PBX4: variants seen among roughly 807,000 people sequenced by gnomAD.
PBX4 encodes pre-B-cell leukemia transcription factor 4.
A neutral mutation model predicts 35.1 loss-of-function variants in PBX4; 26 were observed. The ratio of observed to expected loss-of-function variants is 0.74; its 90% CI spans 0.54 to 1.03. The LOEUF is 1.03. Ranked by LOEUF, PBX4 falls within the 50% of genes least tolerant of loss-of-function variation. The pLI is 0.00. For synonymous variants in PBX4, 199 were observed against 204.2 expected, an observed-to-expected ratio of 0.97 and a Z score of 0.22; for missense variants, 448 against 504.3, an observed-to-expected ratio of 0.89 and a Z score of 1.07.
Position 19,563,580 on chromosome 19 carries a change from C to T in PBX4, c.961G>A (p.Asp321Asn). ...SGPFPLPSAGDAFLTLRTLAS... is the reference protein window; with the variant it reads ...SGPFPLPSAGNAFLTLRTLAS... ...AGAGTCCGCAGGGTGAGGAAGGCGT[C>T]CCCAGCGCTGGGCAGCGGGAAGGGT... The change falls in exon 7 of 8, where the codon GAC becomes AAC. Residue 321 changes from aspartate (D) to asparagine (N), a missense_variant. Physicochemically the swap from Asp to Asn is conservative, Grantham distance 23 (BLOSUM62 1). Coordinates refer to ENST00000251203, the MANE Select transcript of PBX4 (RefSeq NM_025245.3). The surrounding 1 kb of genome is among the most constrained non-coding windows in gnomAD (Gnocchi z 5.1). 6.5e-7 allele frequency: 1 copy of T among 1,550,286 alleles called. No individual in the cohort carries two copies. Among genetic ancestry groups the T allele is most frequent in the Non-Finnish European group, 8.7e-7 (1 of 1,147,086 alleles).
chr19:19,566,192 GGA>G (rs1447923182), intron 5 of PBX4, among the ~76,000 whole-genome samples: 1 of 152,182 alleles, frequency 6.6e-6, no homozygotes, highest in Non-Finnish European at 1.5e-5. Flanking sequence ...AACTGGCACT[GGA>G]GTCCCCCAGG....
intron 2 of PBX4, among the ~76,000 whole-genome samples, chr19:19,594,353 G>A (rs1271816378): frequency 1.3e-5 from 2 of 150,462 alleles, no homozygotes; most frequent in Admixed American, 6.7e-5. Flanking sequence ...CCGAGATTGC[G>A]CCATTGCACT....
intron 1 of PBX4, among the ~76,000 whole-genome samples, chr19:19,612,057 C>T (rs1467447555): frequency 2.0e-5 from 3 of 152,006 alleles, no homozygotes; most frequent in African/African-American, 7.3e-5. Flanking sequence ...TCACCTGAAG[C>T]CAGGAGTTCT....
Position 19,562,124 on chromosome 19 carries a change from C to A in PBX4, c.1033-7G>T. 6.2e-7 allele frequency: 1 copy of A among 1,605,326 alleles called. No individual in the cohort carries two copies. Among genetic ancestry groups the A allele is most frequent in the Non-Finnish European group, 8.5e-7 (1 of 1,175,572 alleles). ...CCTGCCAGCTACCCTGGGCCTGAAA[C>A]GACAGAGACTGAGCATCAGAGTGGG... On this transcript the variant is annotated splice_region_variant and splice_polypyrimidine_tract_variant and intron_variant, in intron 7 of 7. Transcript: ENST00000251203. This position sits in a 1 kb window ranked among gnomAD's most constrained non-coding sequence, Gnocchi z 4.8.
At position 19,569,579 on chromosome 19, in the gene PBX4, T is replaced by C. The variant is rs369430064; in HGVS notation, c.638A>G (p.Lys213Arg). The C allele has an allele frequency of 8.1e-6, 13 of 1,613,402 alleles. No individual in the cohort carries two copies. The highest frequency in any genetic ancestry group is 6.7e-5 in the East Asian group (3 of 44,842). ...CGCCTGCTTGCTGAAATTCCGCCGC[T>C]TGCGCCTGCAAAAACAGCCGCCTTC... ...LRSRLLDARRKRRNFSKQATE... is the reference protein window; with the variant it reads ...LRSRLLDARRRRRNFSKQATE... The change falls in exon 5 of 8, where the codon AAG becomes AGG. Residue 213 changes from lysine to arginine, a missense_variant. Lys to Arg is a conservative substitution (Grantham distance 26). Transcript: ENST00000251203.
At chr19:19,607,858 T>C (rs545720731) in intron 1 of PBX4, among the ~76,000 whole-genome samples, 1 of 152,362 alleles carries the variant, frequency 6.6e-6, no homozygotes, top group African/African-American at 2.4e-5. Flanking sequence ...CCCTATGGAA[T>C]AGAATACTAC....
At chr19:19,586,354 A>C (rs2061488941) in intron 2 of PBX4, among the ~76,000 whole-genome samples, 1 of 152,118 alleles carries the variant, frequency 6.6e-6, no homozygotes, top group Non-Finnish European at 1.5e-5. Flanking sequence ...TCAAGAATGC[A>C]TTGAGCCATG....
chr19:19,582,490 G>A (rs12977917), intron 2 of PBX4, among the ~76,000 whole-genome samples: 28,063 of 151,990 alleles, frequency 0.18, 3,234 homozygotes, highest in East Asian at 0.28. Flanking sequence ...AAATCCAGGA[G>A]AGCCCAGTCA....
chr19:19,593,996 G>A (rs2061544138), intron 2 of PBX4, among the ~76,000 whole-genome samples: 1 of 151,206 alleles, frequency 6.6e-6, no homozygotes, highest in Non-Finnish European at 1.5e-5. Flanking sequence ...AGACATGGTG[G>A]TGTGTGCGGA....
At chr19:19,613,518 A>T (rs535539125) in intron 1 of PBX4, among the ~76,000 whole-genome samples, 1 of 151,878 alleles carries the variant, frequency 6.6e-6, no homozygotes, top group South Asian at 2.1e-4. Context: ...TGTCTAGGGA[A>T]ACTAGAATCT....
intron 5 of PBX4, among the ~76,000 whole-genome samples, chr19:19,568,887 C>T (rs914367022): frequency 6.6e-6 from 1 of 152,250 alleles, no homozygotes; most frequent in Non-Finnish European, 1.5e-5. Context: ...CCTCTGGGAC[C>T]TCGCATTCCA....
At chr19:19,572,199 C>T (rs1225908939) in intron 2 of PBX4, among the ~76,000 whole-genome samples, 2 of 150,634 alleles carry the variant, frequency 1.3e-5, no homozygotes, top group African/African-American at 2.4e-5. Context: ...CTCAGCCTCC[C>T]GAGTAGCTGG....
chr19:19,567,114 G>A (rs1031196534), intron 5 of PBX4, among the ~76,000 whole-genome samples: 8 of 152,198 alleles, frequency 5.3e-5, no homozygotes, highest in African/African-American at 1.9e-4. Context: ...CCCCGGGGGT[G>A]TGAGCAGCCT....
chr19:19,569,546 A>T lies in PBX4; in HGVS notation c.671T>A (p.Val224Glu). The T allele has an allele frequency of 6.2e-7, 1 of 1,613,816 alleles. No homozygotes were observed. Among genetic ancestry groups the T allele is most frequent in the South Asian group, 1.1e-5 (1 of 91,038 alleles). The part of the protein sequence containing the change: ...RRNFSKQATE[V>E]LNEYFYSHLN... ...ATGGGAGTAAAAATACTCATTCAGC[A>T]CTTCCGTCGCCTGCTTGCTGAAATT... is the stretch of plus-strand genomic sequence containing the variant. The change falls in exon 5 of 8, where the codon GTG becomes GAG. Residue 224 changes from valine to glutamate, a missense_variant. Physicochemically the swap from Val to Glu is moderately radical, Grantham distance 121 (BLOSUM62 -2). Transcript: ENST00000251203.
At chr19:19,573,326 A>ATACACACAC (rs1410786143) in intron 2 of PBX4, among the ~76,000 whole-genome samples, 1 of 81,662 alleles carries the variant, frequency 1.2e-5, no homozygotes, top group Admixed American at 1.3e-4. Context: ...AAAAAAAAAA[A>ATACACACAC]ATATACACAC....
At chr19:19,603,324 C>A (rs1190850951) in intron 1 of PBX4, among the ~76,000 whole-genome samples, 1 of 150,796 alleles carries the variant, frequency 6.6e-6, no homozygotes, top group Non-Finnish European at 1.5e-5. Flanking sequence ...TCTTTTTTTT[C>A]TTTTTGAGAC....
At chr19:19,612,208 C>T (rs559496534) in intron 1 of PBX4, among the ~76,000 whole-genome samples, 21 of 152,068 alleles carry the variant, frequency 1.4e-4, no homozygotes, top group African/African-American at 4.8e-4. Context: ...ACCCATGAGA[C>T]GAGGGTTGCA....
At chr19:19,601,809 C>A (rs1034977652) in intron 1 of PBX4, among the ~76,000 whole-genome samples, 8 of 152,122 alleles carry the variant, frequency 5.3e-5, no homozygotes, top group African/African-American at 1.9e-4. Context: ...CTGGGCAACA[C>A]CTTGATTTTA....
intron 5 of PBX4, among the ~76,000 whole-genome samples, chr19:19,568,377 A>T (rs1209219346): frequency 0.01 from 477 of 47,184 alleles, no homozygotes; most frequent in Middle Eastern, 0.074. Flanking sequence ...ACACTCTATC[A>T]GTATCCCTCA....
Sources: gnomAD v4.1 joint callset for allele counts (sites outside exome capture counted in the v4.1 genomes callset) on GRCh38, gnomAD v4.1.1 for gene constraint, Gnocchi (gnomAD v3.1) non-coding constraint, MANE v1.5 for transcripts, NCBI Gene and HGNC (gene_info 2026-07-23, HGNC 2026-07-21) for gene names.